The following FGFR3 variants were observed in gnomAD, a reference collection of about 807,000 sequenced individuals.
The protein encoded by FGFR3 is fibroblast growth factor receptor 3.
A neutral mutation model predicts 82.9 loss-of-function variants in FGFR3; 25 were observed. That is an observed-to-expected ratio of 0.30 (90% CI 0.22 to 0.42). The LOEUF (loss-of-function observed/expected upper bound fraction) is 0.42. FGFR3 is among the 10% of genes least tolerant of loss of function. FGFR3 has a pLI of 1.00. For missense variants in FGFR3, 1,026 were observed against 1,161.0 expected (o/e 0.88, Z 1.69); for synonymous variants, 620 against 516.0 (o/e 1.20, Z -2.73).
At chr4:1,801,083 C>T (rs1304197804) in intron 4 of FGFR3, among the ~76,000 whole-genome samples, 1 of 152,208 alleles carries the variant, frequency 6.6e-6, no homozygotes, top group Non-Finnish European at 1.5e-5. Context: ...GCACGCCTCT[C>T]TGGGCAGGTG....
intron 7 of FGFR3, chr4:1,803,005 C>T: frequency 1.9e-6 from 3 of 1,601,426 alleles, no homozygotes; most frequent in Non-Finnish European, 2.6e-6. Context: ...TGTCGAGCCA[C>T]CAATTTCATA....
In FGFR3 at chr4:1,803,727, G is replaced by A. The variant is rs1328998931; in HGVS notation, c.966G>A (p.Glu322=). ...AGANTTDKEL[E]VLSLHNVTFE... ...CTAACACCACCGACAAGGAGCTAGA[G>A]GTTCTCTCCTTGCACAACGTCACCT... The change falls in exon 8 of 18, where the codon GAG becomes GAA. Residue 322 remains glutamate, a synonymous_variant. Coordinates refer to ENST00000440486, the MANE Select transcript of FGFR3 (RefSeq NM_000142.5). 1 of 1,614,024 alleles carries A rather than the reference G, an allele frequency of 6.2e-7. No individual in the cohort carries two copies. Among genetic ancestry groups the A allele is most frequent in the Non-Finnish European group, 8.5e-7 (1 of 1,180,024 alleles).
chr4:1,799,332 C>G lies in FGFR3; in HGVS notation c.188C>G (p.Pro63Arg), dbSNP rs371729802. Reference protein sequence around the residue: ...SGDAVELSCPPPGGGPMGPTV... With the variant: ...SGDAVELSCPRPGGGPMGPTV... ...GATGCTGTGGAGCTGAGCTGTCCCC[C>G]GCCCGGGGGTGGTCCCATGGGGCCC... Residue 63 changes from proline (P) to arginine (R), a missense_variant, in exon 3 of 18, where the codon CCG becomes CGG. Transcript: ENST00000440486. The G allele has an allele frequency of 4.4e-5, 71 of 1,612,470 alleles. No individual in the cohort carries two copies. The highest frequency in any genetic ancestry group is 5.8e-5 in the Non-Finnish European group (68 of 1,179,906).
intron 17 of FGFR3, 35 bp from the exon 18 acceptor site, chr4:1,807,081 G>A (rs1182706612): frequency 1.7e-5 from 26 of 1,557,516 alleles, no homozygotes; most frequent in Non-Finnish European, 2.1e-5. Flanking sequence ...AGAGGGGCTC[G>A]GTGGCACAGC....
At position 1,807,548 on chromosome 4, in the gene FGFR3, AC is replaced by A; in HGVS notation, c.*289del. The A allele has an allele frequency of 1.4e-6, 1 of 710,964 alleles. No homozygotes were observed. The highest frequency in any genetic ancestry group is 1.4e-5 in the South Asian group (1 of 70,870). 44.0% of individuals were successfully genotyped at this position (710,964 alleles called of 1,614,324 possible). A position where few individuals can be genotyped will look rare whatever the true frequency, so the allele number is the denominator to read the frequency against. ...ACCGAGGGGCCTTTGTTCTGGGGGG[AC>A]CCAGTGCAGAATGTAAGTGGGCCCA... On this transcript the variant is annotated 3_prime_UTR_variant, in exon 18 of 18. Transcript: ENST00000440486.
rs1720904417 is a variant in FGFR3, at chr4:1,799,307, G to T, written c.163G>T (p.Asp55Tyr). Residue 55 changes from aspartate (D) to tyrosine (Y), a missense_variant, in exon 3 of 18, where the codon GAT becomes TAT. Asp to Tyr is a radical substitution (Grantham distance 160, BLOSUM62 -3). Around this residue, in one of 9 missense-constraint regions of FGFR3, gnomAD observed 226 missense variants for 222.0 expected, o/e 1.02. Coordinates refer to ENST00000440486, the MANE Select transcript of FGFR3 (RefSeq NM_000142.5). ...QQEQLVFGSGDAVELSCPPPG... is the reference protein window; with the variant it reads ...QQEQLVFGSGYAVELSCPPPG... ...GGAGCAGTTGGTCTTCGGCAGCGGGGATGCTGTGGAGCTGAGCTGTCCCCC... is the reference window on the plus strand; with the variant it reads ...GGAGCAGTTGGTCTTCGGCAGCGGGTATGCTGTGGAGCTGAGCTGTCCCCC... The T allele has an allele frequency of 6.2e-7, 1 of 1,612,740 alleles. No homozygotes were observed. The highest frequency in any genetic ancestry group is 8.5e-7 in the Non-Finnish European group (1 of 1,179,972).
chr4:1,804,459 C>A lies in FGFR3; in HGVS notation c.1205C>A (p.Pro402His), dbSNP rs752194597. The A allele has an allele frequency of 4.3e-6, 7 of 1,613,090 alleles. No individual in the cohort carries two copies. The South Asian group carries it at 7.7e-5, about 18-fold the overall frequency. Residue 402 changes from proline (P) to histidine (H), a missense_variant, in exon 9 of 18, where the codon CCC becomes CAC. Pro to His is a moderately conservative substitution (Grantham distance 77, BLOSUM62 -2). This residue lies in a region of FGFR3 where 256 missense variants were observed against 217.6 expected (regional missense o/e 1.18). Coordinates refer to ENST00000440486, the MANE Select transcript of FGFR3 (RefSeq NM_000142.5). ...AVTLCRLRSP[P>H]KKGLGSPTVH... ...ACGCTCTGCCGCCTGCGCAGCCCCC[C>A]CAAGAAAGGCCTGGGCTCCCCCACC...
At chr4:1,807,001 G>GC (rs1449388253) in intron 17 of FGFR3, 67 bp downstream of exon 17, 115 of 1,554,132 alleles carry the variant, frequency 7.4e-5, no homozygotes, top group Non-Finnish European at 9.1e-5. Flanking sequence ...CGGCCATCCT[G>GC]CCCCCCAGAG....
In FGFR3 at chr4:1,801,602, G is replaced by C. The variant is rs372940259; in HGVS notation, c.616-18G>C. 58 of 1,600,066 alleles carry C rather than the reference G, an allele frequency of 3.6e-5. No individual in the cohort carries two copies. In the East Asian group the frequency reaches 1.1e-3, roughly 29 times the overall value. ...GGTTGCTGCCTCCGCTCACTCACCCGCCCGCGTCCCGGTGCAGCTGCGGCA... is the reference window on the plus strand; with the variant it reads ...GGTTGCTGCCTCCGCTCACTCACCCCCCCGCGTCCCGGTGCAGCTGCGGCA... On this transcript the variant is annotated intron_variant, in intron 5 of 17. Coordinates refer to ENST00000440486, the MANE Select transcript of FGFR3 (RefSeq NM_000142.5).
rs766435200 is a variant in FGFR3, at chr4:1,807,628, TG to T, written c.*367del. ...CTGGGCCCGACATGGCTCCGGCCTC[TG>T]CCTTTGCACCACGGGACATCACAGG... On this transcript the variant is annotated 3_prime_UTR_variant, in exon 18 of 18. Coordinates refer to ENST00000440486, the MANE Select transcript of FGFR3 (RefSeq NM_000142.5). The T allele has an allele frequency of 1.1e-5, 7 of 649,892 alleles. No individual in the cohort carries two copies. The highest frequency in any genetic ancestry group is 2.0e-5 in the Non-Finnish European group (7 of 343,600). 40.3% of individuals were successfully genotyped at this position (649,892 alleles called of 1,614,324 possible).
At chr4:1,800,202 G>T (rs994728521) in intron 4 of FGFR3, among the ~76,000 whole-genome samples, 2 of 151,992 alleles carry the variant, frequency 1.3e-5, no homozygotes, top group African/African-American at 2.4e-5. Flanking sequence ...TGGACCCGGG[G>T]TGAGGGCGCC....
At chr4:1,802,824 A>G in intron 7 of FGFR3, 1 of 1,454,236 alleles carries the variant, frequency 6.9e-7, no homozygotes, top group Non-Finnish European at 9.1e-7. Context: ...CCCAGCCTCG[A>G]TCTGTACCTT....
chr4:1,793,970 G>A lies in FGFR3; in HGVS notation c.36G>A (p.Val12=). The change falls in exon 2 of 18, where the codon GTG becomes GTA. Residue 12 remains valine (V), a synonymous_variant. Coordinates refer to ENST00000440486, the MANE Select transcript of FGFR3 (RefSeq NM_000142.5). The part of the protein sequence containing the change: ...GAPACALALC[V]AVAIVAGASS... ...CTGCCTGCGCCCTCGCGCTCTGCGT[G>A]GCCGTGGCCATCGTGGCCGGCGCCT... is the stretch of plus-strand genomic sequence containing the variant. The A allele has an allele frequency of 1.5e-6, 2 of 1,376,412 alleles. No homozygotes were observed. The highest frequency in any genetic ancestry group is 3.5e-5 in the South Asian group (2 of 57,684). 85.3% of individuals were successfully genotyped at this position (1,376,412 alleles called of 1,614,324 possible).
chr4:1,798,376 G>A (rs1007593155), intron 2 of FGFR3, among the ~76,000 whole-genome samples: 5 of 151,958 alleles, frequency 3.3e-5, no homozygotes, highest in East Asian at 3.9e-4. Context: ...TTGAGGGCCC[G>A]CCTGGGCCTC....
At position 1,799,610 on chromosome 4, in the gene FGFR3, C is replaced by G. The variant is rs1338296571; in HGVS notation, c.379+87C>G. ...GCGTGGGTCAGGAGCGGCTGGGGGT[C>G]TCTCTGGTCATTGGTGGAGAGGAGG... On this transcript the variant is annotated intron_variant, in intron 3 of 17. Transcript: ENST00000440486. 3.2e-5 allele frequency: 50 copies of G among 1,549,116 alleles called. 1 individual carries two copies. In the South Asian group the frequency reaches 5.9e-4, roughly 18 times the overall value.
chr4:1,807,133 G>T lies in FGFR3; in HGVS notation c.2292G>T (p.Ser764=), dbSNP rs767453505. 6.3e-7 allele frequency: 1 copy of T among 1,589,656 alleles called. No homozygotes were observed. Among genetic ancestry groups the T allele is most frequent in the South Asian group, 1.1e-5 (1 of 87,664 alleles). ...VTSTDEYLDL[S]APFEQYSPGG... ...GCCAGCAGGAGTACCTGGACCTGTC[G>T]GCGCCTTTCGAGCAGTACTCCCCGG... Residue 764 remains serine (S), a synonymous_variant, in exon 18 of 18, where the codon TCG becomes TCT. Coordinates refer to ENST00000440486, the MANE Select transcript of FGFR3 (RefSeq NM_000142.5).
rs756264291 is a variant in FGFR3, at chr4:1,804,559, C to T, written c.1266+39C>T. On this transcript the variant is annotated intron_variant, in intron 9 of 17. Transcript: ENST00000440486. ...GATACCAGGTTCTGAGCTGCCTGCC[C>T]GCCAGGCCTCCTGGAGCCCCACCTC... The T allele has an allele frequency of 3.2e-5, 52 of 1,603,940 alleles. 1 individual carries two copies. The highest frequency in any genetic ancestry group is 1.8e-4 in the Admixed American group (11 of 60,000).
chr4:1,805,903 A>G lies in FGFR3; in HGVS notation c.1799A>G (p.Gln600Arg). The G allele has an allele frequency of 6.2e-7, 1 of 1,611,996 alleles. No individual in the cohort carries two copies. The highest frequency in any genetic ancestry group is 8.5e-7 in the Non-Finnish European group (1 of 1,179,130). Residue 600 changes from glutamine to arginine, a missense_variant, in exon 13 of 18, where the codon CAG becomes CGG. Coordinates refer to ENST00000440486, the MANE Select transcript of FGFR3 (RefSeq NM_000142.5). ...TFKDLVSCAY[Q>R]VARGMEYLAS... ...AAGGACCTGGTGTCCTGTGCCTACC[A>G]GGTGGCCCGGGGCATGGAGTACTTG...
rs1324442896 is a variant in FGFR3 at position 1,806,842 on chromosome 4, C to T, written c.2182C>T (p.Arg728Trp). Residue 728 changes from arginine to tryptophan, a missense_variant, in exon 17 of 18, where the codon CGG (arginine) becomes TGG (tryptophan). Physicochemically the swap from Arg to Trp is moderately radical, Grantham distance 101. This residue lies in a region of FGFR3 where 155 missense variants were observed against 150.2 expected (regional missense o/e 1.03). Coordinates refer to ENST00000440486, the MANE Select transcript of FGFR3 (RefSeq NM_000142.5). Reference sequence around the variant, plus strand: ...CCCTGCCCGCAGGTACATGATCATGCGGGAGTGCTGGCATGCCGCGCCCTC... The same window carrying T: ...CCCTGCCCGCAGGTACATGATCATGTGGGAGTGCTGGCATGCCGCGCCCTC... ...NCTHDLYMIM[R>W]ECWHAAPSQR... 5.0e-6 allele frequency: 8 copies of T among 1,608,472 alleles called. No individual in the cohort carries two copies. Among genetic ancestry groups the T allele is most frequent in the African/African-American group, 2.7e-5 (2 of 74,804 alleles).
Sources: allele counts gnomAD v4.1 joint callset (sites outside exome capture counted in the v4.1 genomes callset), GRCh38; gene constraint gnomAD v4.1.1; regional missense constraint gnomAD v4.1.1; transcripts MANE v1.5; gene names NCBI Gene and HGNC (gene_info 2026-07-23, HGNC 2026-07-21).